Variants in RIN2 observed in about 807,000 individuals in gnomAD.
RIN2 encodes Ras and Rab interactor 2, also known as RAB5 interacting protein 2.
RIN2 carries 36 observed loss-of-function variants against 78.0 expected under a neutral mutation model. The observed-to-expected ratio is 0.46, with a 90% CI of 0.35 to 0.61. The LOEUF is 0.61. Ranked by LOEUF, RIN2 falls within the 20% of genes least tolerant of loss-of-function variation. The pLI, the probability that RIN2 is intolerant of heterozygous loss-of-function variation, is 0.00. For synonymous variants in RIN2, 466 were observed against 466.8 expected (o/e 1.00, Z 0.02); for missense variants, 1,087 against 1,159.7 (o/e 0.94, Z 0.91).
chr20:19,988,439 C>T (rs1445419931), intron 9 of RIN2, among the ~76,000 whole-genome samples: 1 of 152,110 alleles, frequency 6.6e-6, no homozygotes, highest in African/African-American at 2.4e-5. Flanking sequence ...TATTTCTGAT[C>T]TTATATGTAA....
At chr20:19,796,668 G>A (rs1024405891) in intron 1 of RIN2, among the ~76,000 whole-genome samples, 2 of 152,084 alleles carry the variant, frequency 1.3e-5, no homozygotes, top group African/African-American at 4.8e-5. Context: ...AATCACGCAG[G>A]GAGCTTCAAA....
At chr20:19,905,616 G>A (rs137864810) in intron 3 of RIN2, among the ~76,000 whole-genome samples, 138 of 152,264 alleles carry the variant, frequency 9.1e-4, no homozygotes, top group South Asian at 1.7e-3. Flanking sequence ...GCATGGTAGC[G>A]TGTGCCTGTA....
At chr20:19,960,845 A>G (rs759080894) in intron 6 of RIN2, 34 bp downstream of exon 6, 1 of 1,365,880 alleles carries the variant, frequency 7.3e-7, no homozygotes, top group Admixed American at 2.0e-5. Flanking sequence ...GTCCTGACTG[A>G]CAGGGCCACG....
intron 1 of RIN2, among the ~76,000 whole-genome samples, chr20:19,792,533 A>G (rs766884034): frequency 2.2e-4 from 33 of 152,200 alleles, no homozygotes; most frequent in Non-Finnish European, 3.8e-4. Flanking sequence ...TGAGGGAAGC[A>G]AAGCTCACAG....
In RIN2 at chr20:19,879,165, G is replaced by C. The variant is rs576566044; in HGVS notation, c.-36-10401G>C. 1.1e-4 allele frequency among the ~76,000 whole-genome samples: 17 copies of C among 152,354 alleles called. No individual in the cohort carries two copies. The South Asian group carries it at 3.3e-3, about 30-fold the overall frequency. On this transcript the variant is annotated intron_variant, in intron 2 of 12. Coordinates refer to ENST00000255006, the MANE Select transcript of RIN2 (RefSeq NM_018993.4). Reference sequence around the variant, plus strand: ...CAAAAGACATGAATGCCATTGGTCAGCCAAGACAGACTTTTAAACATGCCT... The same window carrying C: ...CAAAAGACATGAATGCCATTGGTCACCCAAGACAGACTTTTAAACATGCCT...
intron 1 of RIN2, among the ~76,000 whole-genome samples, chr20:19,772,982 A>C (rs6035434): frequency 6.6e-6 from 1 of 152,100 alleles, no homozygotes; most frequent in Non-Finnish European, 1.5e-5. Flanking sequence ...AAAATACCAC[A>C]AACAAGGTGG....
Position 19,975,296 on chromosome 20 carries a change from G to T in RIN2, c.1271G>T (p.Gly424Val). 1 of 1,604,170 alleles carries T rather than the reference G, an allele frequency of 6.2e-7. No homozygotes were observed. Among genetic ancestry groups the T allele is most frequent in the East Asian group, 2.2e-5 (1 of 44,494 alleles). The change falls in exon 9 of 13, where the codon GGA becomes GTA. Residue 424 changes from glycine to valine, a missense_variant. This residue lies in a region of RIN2 where 706 missense variants were observed against 667.5 expected (regional missense o/e 1.06). Coordinates refer to ENST00000255006, the MANE Select transcript of RIN2 (RefSeq NM_018993.4). This position sits in a 1 kb window ranked among gnomAD's most constrained non-coding sequence, Gnocchi z 4.9. Reference sequence around the variant, plus strand: ...TCTGAATCACGGCCCCCGTGCCATGGAGGCCGGCAGCGGCTGAGCGACATG... The same window carrying T: ...TCTGAATCACGGCCCCCGTGCCATGTAGGCCGGCAGCGGCTGAGCGACATG... ...PSSESRPPCH[G>V]GRQRLSDMSI...
intron 11 of RIN2, among the ~76,000 whole-genome samples, chr20:19,994,662 C>T (rs1336646060): frequency 1.3e-5 from 2 of 152,126 alleles, no homozygotes; most frequent in African/African-American, 2.4e-5. Context: ...AACAGTTCTC[C>T]GAGTCCTTGC....
At chr20:19,847,461 G>A (rs6106142) in intron 2 of RIN2, among the ~76,000 whole-genome samples, 1 of 152,112 alleles carries the variant, frequency 6.6e-6, no homozygotes, top group Non-Finnish European at 1.5e-5. Flanking sequence ...TAAAAGGGAG[G>A]TGCCTAGACT....
intron 8 of RIN2, among the ~76,000 whole-genome samples, chr20:19,974,004 G>T (rs934513785): frequency 6.6e-6 from 1 of 152,160 alleles, no homozygotes; most frequent in Non-Finnish European, 1.5e-5. Context: ...GGGAAGGAGG[G>T]ACTCCAAACC....
intron 2 of RIN2, among the ~76,000 whole-genome samples, chr20:19,807,537 T>C (rs190219222): frequency 2.0e-3 from 300 of 152,182 alleles, no homozygotes; most frequent in African/African-American, 6.8e-3. Context: ...TTATCTTGTA[T>C]GATGGCTTTG....
chr20:19,810,742 A>G (rs1352353800), intron 2 of RIN2, among the ~76,000 whole-genome samples: 2 of 124,722 alleles, frequency 1.6e-5, no homozygotes, highest in Non-Finnish European at 3.1e-5. Context: ...CGCCCAGGCT[A>G]GAGTGCAGTG....
chr20:19,894,117 G>T (rs1449309727), intron 3 of RIN2, among the ~76,000 whole-genome samples: 1 of 152,062 alleles, frequency 6.6e-6, no homozygotes, highest in Non-Finnish European at 1.5e-5. Context: ...GGGAGAAGGG[G>T]TAACACCCTA....
chr20:19,789,378 A>T (rs1223942671), intron 1 of RIN2, among the ~76,000 whole-genome samples: 1 of 152,184 alleles, frequency 6.6e-6, no homozygotes, highest in Non-Finnish European at 1.5e-5. Context: ...TTAAAATAAT[A>T]CTTTTAACTT....
At chr20:19,937,083 A>G (rs2040675955) in intron 4 of RIN2, among the ~76,000 whole-genome samples, 1 of 152,262 alleles carries the variant, frequency 6.6e-6, no homozygotes, top group Admixed American at 6.5e-5. Flanking sequence ...CTGTGGGGAA[A>G]AAGCTACACA....
At chr20:19,967,075 G>T (rs1220411201) in intron 7 of RIN2, among the ~76,000 whole-genome samples, 1 of 152,200 alleles carries the variant, frequency 6.6e-6, no homozygotes, top group Non-Finnish European at 1.5e-5. Flanking sequence ...GGTAATTGTG[G>T]AGTTGCTGGG....
chr20:19,968,533 G>T (rs2042009281), intron 7 of RIN2, among the ~76,000 whole-genome samples: 1 of 152,074 alleles, frequency 6.6e-6, no homozygotes, highest in Non-Finnish European at 1.5e-5. Context: ...TGGCACAGTG[G>T]GAGACGATGC....
chr20:19,900,945 C>CGTCTCA (rs1568587951), intron 3 of RIN2, among the ~76,000 whole-genome samples: 5 of 29,570 alleles, frequency 1.7e-4, no homozygotes, highest in Non-Finnish European at 4.2e-4. Context: ...AGCTCTGTCT[C>CGTCTCA]AAAAAAAAAA....
At chr20:19,969,913 TG>T (rs34837635) in intron 7 of RIN2, among the ~76,000 whole-genome samples, 28,498 of 152,226 alleles carry the variant, frequency 0.19, 2,772 homozygotes, top group African/African-American at 0.24. Context: ...GCTTAGAGCA[TG>T]GTCCTAACCT....
Sources: allele counts gnomAD v4.1 joint callset (sites outside exome capture counted in the v4.1 genomes callset), GRCh38; gene constraint gnomAD v4.1.1; regional missense constraint gnomAD v4.1.1; non-coding constraint Gnocchi (gnomAD v3.1); transcripts MANE v1.5; gene names NCBI Gene and HGNC (gene_info 2026-07-23, HGNC 2026-07-21).